DNMBP: variants seen among roughly 807,000 people sequenced by gnomAD.
The protein encoded by DNMBP is dynamin binding protein, also known as dynamin-binding protein.
In DNMBP, 87 loss-of-function variants were observed where a neutral mutation model predicts 150.0. The ratio of observed to expected loss-of-function variants is 0.58; its 90% CI spans 0.49 to 0.69. The LOEUF is 0.69. DNMBP is among the 30% of genes least tolerant of loss of function. The probability of loss-of-function intolerance (pLI) is 0.00; values close to 1 mark genes in which losing one functional copy is unlikely to be tolerated. For synonymous variants in DNMBP, 711 were observed against 750.4 expected, an observed-to-expected ratio of 0.95 and a Z score of 0.86; for missense variants, 1,774 against 1,949.0, an observed-to-expected ratio of 0.91 and a Z score of 1.69.
At chr10:99,885,173 G>A (rs1031648505) in intron 14 of DNMBP, among the ~76,000 whole-genome samples, 1 of 152,022 alleles carries the variant, frequency 6.6e-6, no homozygotes, top group Non-Finnish European at 1.5e-5. Context: ...TCAGTTTCCT[G>A]AATTAATGAA....
intron 11 of DNMBP, among the ~76,000 whole-genome samples, chr10:99,891,915 GT>G (rs1202335915): frequency 6.8e-6 from 1 of 147,774 alleles, no homozygotes; most frequent in African/African-American, 2.6e-5. Flanking sequence ...CGGGAGGGAG[GT>G]GGGGGGGTCA....
chr10:99,999,449 T>C (rs566216932), intron 1 of DNMBP, among the ~76,000 whole-genome samples: 217 of 152,322 alleles, frequency 1.4e-3, no homozygotes, highest in African/African-American at 4.2e-3. Context: ...AAATATGAGC[T>C]GCTGTTTTTA....
In DNMBP at chr10:99,877,091, C is replaced by CGTAT; in HGVS notation, c.*59_*60insATAC. On this transcript the variant is annotated 3_prime_UTR_variant, in exon 17 of 17. Coordinates refer to ENST00000324109, the MANE Select transcript of DNMBP (RefSeq NM_015221.4). Reference sequence around the variant, plus strand: ...GAGCAGGCGCCCTCTCGGTGGGCCGCCAGAACCCTCGGCGGACTGAAAGCA... The same window carrying CGTAT: ...GAGCAGGCGCCCTCTCGGTGGGCCGCGTATCAGAACCCTCGGCGGACTGAAAGCA... 1 of 1,485,890 alleles carries CGTAT rather than the reference C, an allele frequency of 6.7e-7. No individual in the cohort carries two copies. 92.0% of individuals were successfully genotyped at this position (1,485,890 alleles called of 1,614,324 possible).
At position 99,888,921 on chromosome 10, in the gene DNMBP, C is replaced by A; in HGVS notation, c.3189G>T (p.Val1063=). 1.2e-6 allele frequency: 2 copies of A among 1,614,192 alleles called. No individual in the cohort carries two copies. The highest frequency in any genetic ancestry group is 1.7e-6 in the Non-Finnish European group (2 of 1,180,034). The change falls in exon 12 of 17, where the codon GTG becomes GTT. Residue 1063 remains valine, a synonymous_variant. Coordinates refer to ENST00000324109, the MANE Select transcript of DNMBP (RefSeq NM_015221.4). Reference sequence around the variant, plus strand: ...TCTCCATGCACACATCCCACATGCTCACAGCAGCCACCACTTTCACACATG... The same window carrying A: ...TCTCCATGCACACATCCCACATGCTAACAGCAGCCACCACTTTCACACATG... ...ESACVKVVAA[V]SMWDVCMERG...
intron 11 of DNMBP, 57 bp downstream of exon 11, chr10:99,894,889 G>A: frequency 6.0e-6 from 8 of 1,324,500 alleles, no homozygotes; most frequent in Non-Finnish European, 8.7e-6. Context: ...TGATGAACAG[G>A]AAAGGGGACA....
chr10:99,887,056 A>C (rs2039478151), intron 12 of DNMBP, among the ~76,000 whole-genome samples: 1 of 152,020 alleles, frequency 6.6e-6, no homozygotes, highest in South Asian at 2.1e-4. Flanking sequence ...TAACTTTCAT[A>C]CACTCATAAA....
At position 99,899,779 on chromosome 10, in the gene DNMBP, T is replaced by TCAG. The variant is rs558225323; in HGVS notation, c.2702+137_2702+139dup. ...CTTATTCACATGGACAAAAATACAA[T>TCAG]CAGGAAACCACTTAAATGATATATA... On this transcript the variant is annotated intron_variant, in intron 7 of 16. Coordinates refer to ENST00000324109, the MANE Select transcript of DNMBP (RefSeq NM_015221.4). 3,889 of 994,188 alleles carry TCAG rather than the reference T, an allele frequency of 3.9e-3. 22 individuals are homozygous for TCAG. Among genetic ancestry groups the TCAG allele is most frequent in the Non-Finnish European group, 5.4e-3 (3,439 of 641,366 alleles). The allele number at this position is 994,188 out of a possible 1,614,324, so 61.6% of individuals were successfully genotyped here.
chr10:99,898,184 G>T lies in DNMBP; in HGVS notation c.2822C>A (p.Pro941Gln). The T allele has an allele frequency of 6.2e-7, 1 of 1,613,984 alleles. No homozygotes were observed. The highest frequency in any genetic ancestry group is 2.2e-5 in the East Asian group (1 of 44,884). Residue 941 changes from proline (P) to glutamine (Q), a missense_variant, in exon 9 of 17, where the codon CCA (proline) becomes CAA (glutamine). By Grantham distance (76) the Pro-to-Gln change is moderately conservative (BLOSUM62 -1). This residue lies in a region of DNMBP where 1,430 missense variants were observed against 1,492.5 expected (regional missense o/e 0.96). Transcript: ENST00000324109. ...LLLMELLNSTPESHPDKVPLT... is the reference protein window; with the variant it reads ...LLLMELLNSTQESHPDKVPLT... ...AGGCACTTTATCTGGGTGGGATTCT[G>T]GGGTGGAATTCAGCAACTCCATTAG... is the stretch of plus-strand genomic sequence containing the variant.
At chr10:99,950,286 TA>T (rs1197042616) in intron 4 of DNMBP, among the ~76,000 whole-genome samples, 12 of 152,204 alleles carry the variant, frequency 7.9e-5, no homozygotes, top group African/African-American at 2.9e-4. Context: ...ATAAGTCCAT[TA>T]AACCTCTTTC....
chr10:99,884,811 G>A (rs750497034), intron 14 of DNMBP, among the ~76,000 whole-genome samples: 1 of 151,936 alleles, frequency 6.6e-6, no homozygotes, highest in Admixed American at 6.6e-5. Context: ...GCTGAGGCAG[G>A]AGAATCACTT....
chr10:99,981,051 T>C (rs1333890243), intron 1 of DNMBP, among the ~76,000 whole-genome samples: 2 of 152,260 alleles, frequency 1.3e-5, no homozygotes, highest in South Asian at 2.1e-4. Context: ...AATTACTTAA[T>C]GCCACAAAAC....
intron 12 of DNMBP, among the ~76,000 whole-genome samples, chr10:99,888,115 G>T (rs2039498603): frequency 6.6e-6 from 1 of 152,090 alleles, no homozygotes; most frequent in South Asian, 2.1e-4. Flanking sequence ...GAGCCACCAT[G>T]CCCGGACTTA....
Position 99,885,743 on chromosome 10 carries a change from GCTTCTTGGT to G in DNMBP, c.3733_3741del (p.Thr1245_Lys1247del). ...CGGTCAATGGTTTTCCTCTCAAATG[GCTTCTTGGT>G]AGCTGGAAGAGACTCCGGGAAGAAG... On this transcript the variant is annotated inframe_deletion, in exon 14 of 17. Transcript: ENST00000324109. 1.6e-5 allele frequency: 25 copies of G among 1,598,722 alleles called. No individual in the cohort carries two copies. The highest frequency in any genetic ancestry group is 2.0e-5 in the Non-Finnish European group (24 of 1,171,364).
chr10:99,981,617 C>T (rs1394923821), intron 1 of DNMBP, among the ~76,000 whole-genome samples: 3 of 152,190 alleles, frequency 2.0e-5, no homozygotes, highest in Non-Finnish European at 4.4e-5. Flanking sequence ...CTAATGTGGC[C>T]TTTGGAATCA....
At chr10:100,006,514 T>G (rs1034085542) in intron 1 of DNMBP, among the ~76,000 whole-genome samples, 1 of 152,188 alleles carries the variant, frequency 6.6e-6, no homozygotes, top group Non-Finnish European at 1.5e-5. Context: ...TTCCTGTCTA[T>G]TCTCAACCCA....
chr10:99,972,945 C>T (rs1008527590), intron 1 of DNMBP, among the ~76,000 whole-genome samples: 23 of 152,164 alleles, frequency 1.5e-4, no homozygotes, highest in Non-Finnish European at 8.8e-5. Flanking sequence ...CCATGCCCAA[C>T]TAATTTTTGT....
At chr10:99,915,108 A>ATATATATAT (rs1554863106) in intron 4 of DNMBP, among the ~76,000 whole-genome samples, 17 of 99,800 alleles carry the variant, frequency 1.7e-4, no homozygotes, top group African/African-American at 8.8e-5. Context: ...AAAAAAAAAA[A>ATATATATAT]ATATATATAT....
intron 15 of DNMBP, among the ~76,000 whole-genome samples, chr10:99,880,837 C>A (rs183361018): frequency 6.6e-6 from 1 of 152,188 alleles, no homozygotes; most frequent in Non-Finnish European, 1.5e-5. Flanking sequence ...CGGGAGCTCA[C>A]GCCTGTAATC....
At chr10:99,979,512 G>T (rs1192453241) in intron 1 of DNMBP, among the ~76,000 whole-genome samples, 1 of 152,176 alleles carries the variant, frequency 6.6e-6, no homozygotes, top group Non-Finnish European at 1.5e-5. Context: ...TCCTGGTGTT[G>T]TGTGGGAGAT....
Sources: gnomAD v4.1 joint callset for allele counts (sites outside exome capture counted in the v4.1 genomes callset) on GRCh38, gnomAD v4.1.1 for gene constraint, gnomAD v4.1.1 regional missense constraint, MANE v1.5 for transcripts, NCBI Gene and HGNC (gene_info 2026-07-23, HGNC 2026-07-21) for gene names.